Variants in TENM3 observed in about 807,000 individuals in gnomAD.
TENM3 encodes the protein teneurin-3.
Under a neutral mutation model 255.1 loss-of-function variants are expected in TENM3, and 63 were observed. The ratio of observed to expected loss-of-function variants is 0.25; its 90% CI spans 0.20 to 0.30. TENM3 has a LOEUF of 0.30. TENM3 is among the 10% of genes least tolerant of loss of function. The pLI is 1.00. For missense variants in TENM3, 2,929 were observed against 3,461.1 expected (o/e 0.85, Z 3.86); for synonymous variants, 1,306 against 1,322.3 (o/e 0.99, Z 0.27).
chr4:181,896,496 C>T, the TENM3 span, among the ~76,000 whole-genome samples: 8 of 152,252 alleles, frequency 5.3e-5, no homozygotes, highest in South Asian at 6.2e-4. Context: ...TAAAATTTAG[C>T]GTTTGCTCTT....
chr4:182,132,205 C>T, the TENM3 span, among the ~76,000 whole-genome samples: 5 of 152,128 alleles, frequency 3.3e-5, no homozygotes, highest in South Asian at 4.1e-4. Context: ...ATAGGCCGGG[C>T]GCAGTGGCTC....
At chr4:182,073,864 C>T in the TENM3 span, among the ~76,000 whole-genome samples, 1 of 152,088 alleles carries the variant, frequency 6.6e-6, no homozygotes, top group Non-Finnish European at 1.5e-5. Flanking sequence ...CAATGCAGCT[C>T]CACCATCCCT....
chr4:182,444,645 G>C (rs1772763174), intron 3 of TENM3, among the ~76,000 whole-genome samples: 1 of 152,146 alleles, frequency 6.6e-6, no homozygotes, highest in Non-Finnish European at 1.5e-5. Flanking sequence ...GAAAACACAG[G>C]AGAAATCGAG....
intron 3 of TENM3, among the ~76,000 whole-genome samples, chr4:182,591,571 A>T (rs1189937296): frequency 6.6e-6 from 1 of 152,194 alleles, no homozygotes; most frequent in Admixed American, 6.5e-5. Flanking sequence ...TTGAAATTTC[A>T]TTTGATTTAC....
At chr4:182,433,180 G>A (rs1031825948) in intron 3 of TENM3, among the ~76,000 whole-genome samples, 31 of 152,134 alleles carry the variant, frequency 2.0e-4, no homozygotes, top group Admixed American at 2.6e-4. Context: ...GATAGATTTC[G>A]CATGGTGAGT....
chr4:182,368,531 T>C (rs548754887), intron 3 of TENM3, among the ~76,000 whole-genome samples: 1 of 152,254 alleles, frequency 6.6e-6, no homozygotes, highest in South Asian at 2.1e-4. Flanking sequence ...CTAATACCAT[T>C]AGCAGATTGA....
At chr4:182,033,145 C>T in the TENM3 span, among the ~76,000 whole-genome samples, 1 of 151,852 alleles carries the variant, frequency 6.6e-6, no homozygotes, top group Non-Finnish European at 1.5e-5. Flanking sequence ...TGGATGTTGA[C>T]TTGAGATCTT....
At chr4:182,052,034 C>T in the TENM3 span, among the ~76,000 whole-genome samples, 2 of 152,070 alleles carry the variant, frequency 1.3e-5, no homozygotes, top group Non-Finnish European at 2.9e-5. Flanking sequence ...GTATTACTGG[C>T]CTCCAGCAGG....
the TENM3 span, among the ~76,000 whole-genome samples, chr4:181,979,775 C>G: frequency 6.6e-6 from 1 of 152,208 alleles, no homozygotes; most frequent in African/African-American, 2.4e-5. Context: ...GAGTGACTTG[C>G]TCAACGTCAT....
intron 1 of TENM3, among the ~76,000 whole-genome samples, chr4:182,203,681 G>A (rs1475043007): frequency 6.6e-6 from 1 of 152,184 alleles, no homozygotes; most frequent in Non-Finnish European, 1.5e-5. Flanking sequence ...GAGAGGGAGA[G>A]TAGGGAGAGT....
the TENM3 span, among the ~76,000 whole-genome samples, chr4:181,861,495 C>G: frequency 6.6e-6 from 1 of 152,130 alleles, no homozygotes; most frequent in East Asian, 1.9e-4. Context: ...GACAATACTT[C>G]AAGCAGGGCT....
In TENM3 at chr4:182,754,908, C is replaced by T. The variant is rs192269513; in HGVS notation, c.4541C>T (p.Ala1514Val). ...LLNSMNFYEV[A>V]SPTDQELYIF... is the part of the protein sequence containing the mutation. The stretch of plus-strand genomic sequence containing the variant: ...AACTCTATGAACTTCTATGAAGTTG[C>T]GTCTCCAACTGATCAAGAACTCTAC... Residue 1514 changes from alanine (A) to valine (V), a missense_variant, in exon 22 of 28, where the codon GCG becomes GTG. Around this residue, in one of 6 missense-constraint regions of TENM3, gnomAD observed 1,608 missense variants for 1,884.4 expected, o/e 0.85. Coordinates refer to ENST00000511685, the MANE Select transcript of TENM3 (RefSeq NM_001080477.4). The surrounding 1 kb of genome is among the most constrained non-coding windows in gnomAD (Gnocchi z 5.1). The T allele has an allele frequency of 1.3e-4, 204 of 1,613,952 alleles. No homozygotes were observed. Among genetic ancestry groups the T allele is most frequent in the Admixed American group, 7.8e-4 (47 of 60,020 alleles).
At chr4:182,432,149 A>G (rs1368382579) in intron 3 of TENM3, among the ~76,000 whole-genome samples, 1 of 152,068 alleles carries the variant, frequency 6.6e-6, no homozygotes, top group African/African-American at 2.4e-5. Context: ...AGAGAAAGAG[A>G]TTAATGTTGA....
At chr4:181,953,520 T>C in the TENM3 span, among the ~76,000 whole-genome samples, 1 of 151,916 alleles carries the variant, frequency 6.6e-6, no homozygotes, top group Non-Finnish European at 1.5e-5. Flanking sequence ...CACCAGCTCA[T>C]ACTTACCTCC....
chr4:182,467,487 A>G (rs1415554307), intron 3 of TENM3, among the ~76,000 whole-genome samples: 1 of 152,204 alleles, frequency 6.6e-6, no homozygotes, highest in Non-Finnish European at 1.5e-5. Flanking sequence ...AGGGATATCT[A>G]GGCCAGGAAT....
chr4:181,950,793 C>T, the TENM3 span, among the ~76,000 whole-genome samples: 84,193 of 152,020 alleles, frequency 0.55, 23,851 homozygotes, highest in African/African-American at 0.62. Context: ...GTAATCCCAG[C>T]GCTTTGGCAG....
At chr4:182,301,205 TCAAA>T (rs1210173051) in intron 1 of TENM3, among the ~76,000 whole-genome samples, 2 of 152,114 alleles carry the variant, frequency 1.3e-5, no homozygotes, top group Non-Finnish European at 2.9e-5. Flanking sequence ...TCAGATAGAG[TCAAA>T]CATATGCCAA....
At chr4:182,244,967 GT>G (rs1757545438) in intron 1 of TENM3, among the ~76,000 whole-genome samples, 1 of 152,072 alleles carries the variant, frequency 6.6e-6, no homozygotes, top group South Asian at 2.1e-4. Context: ...TTATTGTAAT[GT>G]CTACATTCCA....
chr4:182,694,068 G>T (rs1009068120), intron 12 of TENM3, among the ~76,000 whole-genome samples: 1 of 151,752 alleles, frequency 6.6e-6, no homozygotes, highest in African/African-American at 2.4e-5. Flanking sequence ...TGTATGTTTG[G>T]GTTAAGGGTT....
Sources: gnomAD v4.1 joint callset for allele counts (sites outside exome capture counted in the v4.1 genomes callset) on GRCh38, gnomAD v4.1.1 for gene constraint, gnomAD v4.1.1 regional missense constraint, Gnocchi (gnomAD v3.1) non-coding constraint, MANE v1.5 for transcripts, NCBI Gene and HGNC (gene_info 2026-07-23, HGNC 2026-07-21) for gene names.